DYNC1H1: variants seen among roughly 807,000 people sequenced by gnomAD.
DYNC1H1 encodes the protein cytoplasmic dynein 1 heavy chain 1.
Under a neutral mutation model 527.1 loss-of-function variants are expected in DYNC1H1, and 51 were observed. That is an observed-to-expected ratio of 0.10 (90% CI 0.08 to 0.12). DYNC1H1 has a LOEUF of 0.12. Ranked by LOEUF, DYNC1H1 falls within the 10% of genes least tolerant of loss-of-function variation. DYNC1H1 has a pLI of 1.00. For synonymous variants in DYNC1H1, 2,189 were observed against 2,278.8 expected (o/e 0.96, Z 1.12); for missense variants, 2,771 against 5,971.8 (o/e 0.46, Z 17.66).
chr14:102,010,728 C>G lies in DYNC1H1; in HGVS notation c.6406-12C>G, dbSNP rs565676310. 7 of 1,612,238 alleles carry G rather than the reference C, an allele frequency of 4.3e-6. 1 individual carries two copies. The highest frequency in any genetic ancestry group is 3.3e-5 in the South Asian group (3 of 91,000). ...ATGCTGCGCTGCTCACAGCCCAGCC[C>G]TCTCCCCGTAGATTCTGATACAGAG... On this transcript the variant is annotated splice_polypyrimidine_tract_variant and intron_variant, in intron 31 of 77. Coordinates refer to ENST00000360184, the MANE Select transcript of DYNC1H1 (RefSeq NM_001376.5). The surrounding 1 kb of genome is among the most constrained non-coding windows in gnomAD (Gnocchi z 6.0).
Position 102,033,555 on chromosome 14 carries a change from C to T in DYNC1H1, c.10413+71C>T. 6 of 1,573,346 alleles carry T rather than the reference C, an allele frequency of 3.8e-6. No individual in the cohort carries two copies. The South Asian group carries it at 6.8e-5, about 18-fold the overall frequency. Reference sequence around the variant, plus strand: ...AGAGATTAACACACTTCAACATGCGCTGCATGCACCATGCTGGCCTCGGTG... The same window carrying T: ...AGAGATTAACACACTTCAACATGCGTTGCATGCACCATGCTGGCCTCGGTG... On this transcript the variant is annotated intron_variant, in intron 54 of 77. Coordinates refer to ENST00000360184, the MANE Select transcript of DYNC1H1 (RefSeq NM_001376.5). The surrounding 1 kb of genome is among the most constrained non-coding windows in gnomAD (Gnocchi z 5.6).
In DYNC1H1 at chr14:101,983,273, T is replaced by C. The variant is rs201446486; in HGVS notation, c.1216T>C (p.Tyr406His). 3 of 1,614,260 alleles carry C rather than the reference T, an allele frequency of 1.9e-6. No individual in the cohort carries two copies. The African/African-American group carries it at 4.0e-5, about 22-fold the overall frequency. The change falls in exon 6 of 78, where the codon TAT becomes CAT. Residue 406 changes from tyrosine (Y) to histidine (H), a missense_variant. Physicochemically the swap from Tyr to His is moderately conservative, Grantham distance 83. Coordinates refer to ENST00000360184, the MANE Select transcript of DYNC1H1 (RefSeq NM_001376.5). The surrounding 1 kb of genome is among the most constrained non-coding windows in gnomAD (Gnocchi z 5.3). ...CACTAGGAAATTGATGCATGTTGCT[T>C]ATGAAGAATTTGAAAAAGTAAGTTT... Reference protein sequence around the residue: ...LGTRKLMHVAYEEFEKVMVAC... With the variant: ...LGTRKLMHVAHEEFEKVMVAC...
intron 1 of DYNC1H1, among the ~76,000 whole-genome samples, chr14:101,967,850 C>T (rs2047684969): frequency 6.6e-6 from 1 of 152,104 alleles, no homozygotes; most frequent in African/African-American, 2.4e-5. Flanking sequence ...TACAGCATTA[C>T]TCAAAGTATA....
At position 101,964,794 on chromosome 14, in the gene DYNC1H1, C is replaced by T; in HGVS notation, c.103C>T (p.Arg35Cys). Residue 35 changes from arginine (R) to cysteine (C), a missense_variant, in exon 1 of 78, where the codon CGC becomes TGC. Arg to Cys is a radical substitution (Grantham distance 180, BLOSUM62 -3). Coordinates refer to ENST00000360184, the MANE Select transcript of DYNC1H1 (RefSeq NM_001376.5). The surrounding 1 kb of genome is among the most constrained non-coding windows in gnomAD (Gnocchi z 5.5). ...CGTGTCGGTGCTGCAGAAGCACCTG[C>T]GCAAGCTGGTGCCGCTGCTGCTGGA... The part of the protein sequence containing the change: ...ADVSVLQKHL[R>C]KLVPLLLEDG... 2 of 1,602,888 alleles carry T rather than the reference C, an allele frequency of 1.2e-6. No homozygotes were observed. Among genetic ancestry groups the T allele is most frequent in the Non-Finnish European group, 8.5e-7 (1 of 1,176,694 alleles).
At position 101,988,803 on chromosome 14, in the gene DYNC1H1, C is replaced by T; in HGVS notation, c.2819C>T (p.Thr940Ile). The T allele has an allele frequency of 6.2e-7, 1 of 1,614,218 alleles. No homozygotes were observed. The highest frequency in any genetic ancestry group is 8.5e-7 in the Non-Finnish European group (1 of 1,180,040). The stretch of plus-strand genomic sequence containing the variant: ...GATAAAGCAGAAGTTGACATGGACA[C>T]AGATGCTCCACAAGTTAGTCACAAG... ...AEDKAEVDMDTDAPQVSHKPG... is the reference protein window; with the variant it reads ...AEDKAEVDMDIDAPQVSHKPG... The change falls in exon 10 of 78, where the codon ACA becomes ATA. Residue 940 changes from threonine (T) to isoleucine (I), a missense_variant. Thr to Ile is a moderately conservative substitution (Grantham distance 89). Transcript: ENST00000360184.
At position 102,011,279 on chromosome 14, in the gene DYNC1H1, G is replaced by A. The variant is rs2048255570; in HGVS notation, c.6618+327G>A. The A allele has an allele frequency of 1.5e-5, 6 of 405,052 alleles. No individual in the cohort carries two copies. Among genetic ancestry groups the A allele is most frequent in the South Asian group, 1.3e-4 (6 of 46,914 alleles). 25.1% of individuals were successfully genotyped at this position (405,052 alleles called of 1,614,324 possible). ...GTGCCAGAGATGAACAACCTGAATCGCTGATCAATACGTAGTTTACATTCT... is the reference window on the plus strand; with the variant it reads ...GTGCCAGAGATGAACAACCTGAATCACTGATCAATACGTAGTTTACATTCT... On this transcript the variant is annotated intron_variant, in intron 32 of 77. Transcript: ENST00000360184. The surrounding 1 kb of genome is among the most constrained non-coding windows in gnomAD (Gnocchi z 5.3).
rs1324948272 is a variant in DYNC1H1, at chr14:101,970,470, G to GTTTTTTTT, written c.257-5240_257-5239insTTTTTTTT. ...GTGGTATTAGTATGTTTGGTTTGTT[G>GTTTTTTTT]TTGTTTTTTTTTTTTTTTTTTTTTT... On this transcript the variant is annotated intron_variant, in intron 1 of 77. Transcript: ENST00000360184. Among the ~76,000 whole-genome samples the GTTTTTTTT allele has an allele frequency of 3.7e-3, 352 of 96,268 alleles. 71 individuals are homozygous for GTTTTTTTT. The highest frequency in any genetic ancestry group is 9.5e-3 in the African/African-American group (199 of 21,030). 63.2% of individuals were successfully genotyped at this position (96,268 alleles called of 152,430 possible).
At chr14:101,975,648 G>C in intron 1 of DYNC1H1, 64 bp from the exon 2 acceptor site, 2 of 1,425,008 alleles carry the variant, frequency 1.4e-6, no homozygotes, top group East Asian at 2.3e-5. Context: ...CATTGTCTAA[G>C]CAGTTGATAA....
Position 102,041,969 on chromosome 14 carries a change from C to T in DYNC1H1, c.12103-44C>T. 1.3e-6 allele frequency: 2 copies of T among 1,598,978 alleles called. No individual in the cohort carries two copies. Among genetic ancestry groups the T allele is most frequent in the Non-Finnish European group, 1.7e-6 (2 of 1,166,598 alleles). On this transcript the variant is annotated intron_variant, in intron 65 of 77. Transcript: ENST00000360184. This position sits in a 1 kb window ranked among gnomAD's most constrained non-coding sequence, Gnocchi z 4.5. ...TCTCCTTTCCCTTGACAGGTACACACTATTTGCTGGCACTGTAATAACTTC... is the reference window on the plus strand; with the variant it reads ...TCTCCTTTCCCTTGACAGGTACACATTATTTGCTGGCACTGTAATAACTTC...
chr14:101,969,619 CA>C (rs1457341247), intron 1 of DYNC1H1: 1 of 152,458 alleles, frequency 6.6e-6, no homozygotes, highest in Non-Finnish European at 1.5e-5. Flanking sequence ...GTGTTTGTAC[CA>C]GGGGCCTCCA....
intron 18 of DYNC1H1, chr14:102,000,668 G>C: frequency 2.1e-6 from 1 of 482,144 alleles, no homozygotes; most frequent in South Asian, 2.1e-5. Context: ...TCCGCCTCCC[G>C]GGTTCAAGCG....
chr14:101,993,085 C>T (rs938421341), intron 11 of DYNC1H1, among the ~76,000 whole-genome samples: 38 of 151,850 alleles, frequency 2.5e-4, no homozygotes, highest in Admixed American at 7.2e-4. Flanking sequence ...CTCGGAGTCG[C>T]GTCACACTGA....
In DYNC1H1 at chr14:102,034,053, A is replaced by G; in HGVS notation, c.10491A>G (p.Lys3497=). Residue 3497 remains lysine (K), a synonymous_variant, in exon 55 of 78, where the codon AAA becomes AAG. Coordinates refer to ENST00000360184, the MANE Select transcript of DYNC1H1 (RefSeq NM_001376.5). ...GGGAAAAAACAAGTGAAACTTTCAAAAACCAGATGTCCACCATTGCTGGGG... is the reference window on the plus strand; with the variant it reads ...GGGAAAAAACAAGTGAAACTTTCAAGAACCAGATGTCCACCATTGCTGGGG... The part of the protein sequence containing the change: ...ERWEKTSETF[K]NQMSTIAGDC... The G allele has an allele frequency of 6.2e-7, 1 of 1,614,100 alleles. No individual in the cohort carries two copies. The highest frequency in any genetic ancestry group is 8.5e-7 in the Non-Finnish European group (1 of 1,180,030).
At position 102,017,007 on chromosome 14, in the gene DYNC1H1, G is replaced by C; in HGVS notation, c.7848+8G>C. ...GCCTTGCCTGACATGGAGGTAAAGA[G>C]GCCAGGAGGTGGGCAGCAGACCTTT... On this transcript the variant is annotated splice_region_variant and intron_variant, in intron 38 of 77. Transcript: ENST00000360184. The surrounding 1 kb of genome is among the most constrained non-coding windows in gnomAD (Gnocchi z 4.6). The C allele has an allele frequency of 6.2e-7, 1 of 1,614,274 alleles. No individual in the cohort carries two copies. Among genetic ancestry groups the C allele is most frequent in the Non-Finnish European group, 8.5e-7 (1 of 1,180,050 alleles).
Position 102,049,243 on chromosome 14 carries a change from T to C in DYNC1H1, c.13373-197T>C. 1 of 715,376 alleles carries C rather than the reference T, an allele frequency of 1.4e-6. No individual in the cohort carries two copies. The highest frequency in any genetic ancestry group is 3.8e-4 in the Middle Eastern group (1 of 2,618). 44.3% of individuals were successfully genotyped at this position (715,376 alleles called of 1,614,324 possible). ...GAAACTGCACGGTTCTGAGACATGC[T>C]CTGGACCAGCCTGAGCTAGAGCAGA... On this transcript the variant is annotated intron_variant, in intron 74 of 77. Coordinates refer to ENST00000360184, the MANE Select transcript of DYNC1H1 (RefSeq NM_001376.5). This position sits in a 1 kb window ranked among gnomAD's most constrained non-coding sequence, Gnocchi z 5.5.
chr14:101,986,426 A>C lies in DYNC1H1; in HGVS notation c.2201A>C (p.Lys734Thr). The change falls in exon 8 of 78, where the codon AAG becomes ACG. Residue 734 changes from lysine to threonine, a missense_variant. By Grantham distance (78) the Lys-to-Thr change is moderately conservative. Around this residue, in one of 32 missense-constraint regions of DYNC1H1, gnomAD observed 264 missense variants for 619.4 expected, o/e 0.43. Coordinates refer to ENST00000360184, the MANE Select transcript of DYNC1H1 (RefSeq NM_001376.5). The surrounding 1 kb of genome is among the most constrained non-coding windows in gnomAD (Gnocchi z 8.7). ...CGGGGCCGAACTGGAAATGTGCTTA[A>C]GCTGAAAGTTAACTTTCTTCCTGAG... is the stretch of plus-strand genomic sequence containing the variant. ...RVRGRTGNVLKLKVNFLPEII... is the reference protein window; with the variant it reads ...RVRGRTGNVLTLKVNFLPEII... The C allele has an allele frequency of 1.2e-6, 2 of 1,614,204 alleles. No homozygotes were observed. Among genetic ancestry groups the C allele is most frequent in the Non-Finnish European group, 1.7e-6 (2 of 1,180,034 alleles).
At position 101,983,715 on chromosome 14, in the gene DYNC1H1, T is replaced by G. The variant is rs1004313789; in HGVS notation, c.1461+106T>G. The G allele has an allele frequency of 3.0e-6, 4 of 1,325,522 alleles. No homozygotes were observed. In the African/African-American group the frequency reaches 5.9e-5, roughly 20 times the overall value. 82.1% of individuals were successfully genotyped at this position (1,325,522 alleles called of 1,614,324 possible). On this transcript the variant is annotated intron_variant, in intron 7 of 77. Coordinates refer to ENST00000360184, the MANE Select transcript of DYNC1H1 (RefSeq NM_001376.5). This position sits in a 1 kb window ranked among gnomAD's most constrained non-coding sequence, Gnocchi z 5.3. ...TTGTTGAGATGAAGTTTCACTCTTG[T>G]TGCCCAGGCTGGAGTGCAATGGCAT... is the stretch of plus-strand genomic sequence containing the variant.
In DYNC1H1 at chr14:101,997,139, C is replaced by T. The variant is rs2048071718; in HGVS notation, c.3669C>T (p.Asp1223=). The change falls in exon 16 of 78, where the codon GAC becomes GAT. Residue 1223 remains aspartate (D), a synonymous_variant. Coordinates refer to ENST00000360184, the MANE Select transcript of DYNC1H1 (RefSeq NM_001376.5). The surrounding 1 kb of genome is among the most constrained non-coding windows in gnomAD (Gnocchi z 4.8). ...NIEGEWGAFN[D]IMRRKDSAIQ... ...AGGGAGAGTGGGGAGCCTTCAATGA[C>T]ATCATGCGGCGAAAGGACTCTGCCA... is the stretch of plus-strand genomic sequence containing the variant. 1 of 1,614,168 alleles carries T rather than the reference C, an allele frequency of 6.2e-7. No individual in the cohort carries two copies. The highest frequency in any genetic ancestry group is 8.5e-7 in the Non-Finnish European group (1 of 1,180,040).
intron 1 of DYNC1H1, among the ~76,000 whole-genome samples, chr14:101,969,167 GC>G (rs2047701109): frequency 6.6e-6 from 1 of 150,514 alleles, no homozygotes; most frequent in African/African-American, 2.5e-5. Context: ...ACAGGCGCCT[GC>G]CACCACACCT....
Sources: gnomAD v4.1 joint callset for allele counts (sites outside exome capture counted in the v4.1 genomes callset) on GRCh38, gnomAD v4.1.1 for gene constraint, gnomAD v4.1.1 regional missense constraint, Gnocchi (gnomAD v3.1) non-coding constraint, MANE v1.5 for transcripts, NCBI Gene and HGNC (gene_info 2026-07-23, HGNC 2026-07-21) for gene names.